PTH1R: variants seen among roughly 807,000 people sequenced by gnomAD.
The protein encoded by PTH1R is parathyroid hormone/parathyroid hormone-related peptide receptor.
PTH1R carries 32 observed loss-of-function variants against 70.7 expected under a neutral mutation model. The observed-to-expected ratio is 0.45, with a 90% CI of 0.34 to 0.61. The LOEUF (loss-of-function observed/expected upper bound fraction) is 0.61. PTH1R is among the 20% of genes least tolerant of loss of function. The probability of loss-of-function intolerance (pLI) is 0.01; values close to 1 mark genes in which losing one functional copy is unlikely to be tolerated. For synonymous variants in PTH1R, 329 were observed against 324.8 expected (o/e 1.01, Z -0.14); for missense variants, 626 against 792.5 (o/e 0.79, Z 2.52).
At chr3:46,890,064 C>T (rs144615633) in intron 3 of PTH1R, among the ~76,000 whole-genome samples, 5 of 152,248 alleles carry the variant, frequency 3.3e-5, no homozygotes, top group Middle Eastern at 3.4e-3. Flanking sequence ...AGGAGGGGGT[C>T]CTTTTTCCTC....
At position 46,902,701 on chromosome 3, in the gene PTH1R, G is replaced by A. The variant is rs1448531017; in HGVS notation, c.1353+34G>A. On this transcript the variant is annotated intron_variant, in intron 14 of 15. Transcript: ENST00000449590. The surrounding 1 kb of genome is among the most constrained non-coding windows in gnomAD (Gnocchi z 5.4). ...TGCTGGCCCGGGCCTGGCTGAGGGT[G>A]GGAGGGGTTCCGGGGGCAGGCCTGA... 5 of 1,613,996 alleles carry A rather than the reference G, an allele frequency of 3.1e-6. No homozygotes were observed. Among genetic ancestry groups the A allele is most frequent in the Non-Finnish European group, 4.2e-6 (5 of 1,180,032 alleles).
At chr3:46,886,661 G>T (rs1383627889) in intron 3 of PTH1R, among the ~76,000 whole-genome samples, 1 of 152,170 alleles carries the variant, frequency 6.6e-6, no homozygotes, top group Non-Finnish European at 1.5e-5. Context: ...CCGGCCGGTT[G>T]CTTGCTTTTA....
chr3:46,883,684 G>C lies in PTH1R; in HGVS notation c.75+50G>C. Reference sequence around the variant, plus strand: ...CGGGACAGGCTGCGGGCTTACCCTAGGGTCCGCGGGATAGGTCTAAGGCAC... The same window carrying C: ...CGGGACAGGCTGCGGGCTTACCCTACGGTCCGCGGGATAGGTCTAAGGCAC... On this transcript the variant is annotated intron_variant, in intron 3 of 15. Coordinates refer to ENST00000449590, the MANE Select transcript of PTH1R (RefSeq NM_000316.3). This position sits in a 1 kb window ranked among gnomAD's most constrained non-coding sequence, Gnocchi z 6.4. The C allele has an allele frequency of 6.5e-7, 1 of 1,541,648 alleles. No individual in the cohort carries two copies.
intron 10 of PTH1R, among the ~76,000 whole-genome samples, chr3:46,900,082 C>T (rs2032027631): frequency 6.6e-6 from 1 of 152,220 alleles, no homozygotes; most frequent in Admixed American, 6.5e-5. Flanking sequence ...TGGCTGGGCT[C>T]CGGGACAACT....
intron 3 of PTH1R, among the ~76,000 whole-genome samples, chr3:46,888,121 G>A (rs981943539): frequency 6.6e-5 from 10 of 152,212 alleles, no homozygotes; most frequent in Admixed American, 6.5e-4. Flanking sequence ...CTCATAGGAT[G>A]TTAAGAGGAT....
At chr3:46,899,026 C>T (rs555270840) in intron 9 of PTH1R, among the ~76,000 whole-genome samples, 169 bp downstream of exon 9, 12 of 152,322 alleles carry the variant, frequency 7.9e-5, no homozygotes, top group Middle Eastern at 3.4e-3. Context: ...GCTCTGCCGC[C>T]GACCCTGCTG....
At chr3:46,899,569 A>C in intron 10 of PTH1R, 113 bp downstream of exon 10, 1 of 1,371,428 alleles carries the variant, frequency 7.3e-7, no homozygotes, top group Non-Finnish European at 9.9e-7. Context: ...CCCAAGTGGA[A>C]CAGCAGGAGA....
intron 8 of PTH1R, 67 bp from the exon 9 acceptor site, chr3:46,898,595 C>T: frequency 6.2e-7 from 1 of 1,604,212 alleles, no homozygotes; most frequent in African/African-American, 1.3e-5. Context: ...GGCGCACAAC[C>T]CAGCTTCCTG....
At position 46,903,200 on chromosome 3, in the gene PTH1R, C is replaced by T. The variant is rs371779889; in HGVS notation, c.1396-70C>T. ...CCCATTTTCATTCCGTGCTGGGTGT[C>T]CAGGGGCCGGGATGGGGCATCGCTG... On this transcript the variant is annotated intron_variant, in intron 15 of 15. Coordinates refer to ENST00000449590, the MANE Select transcript of PTH1R (RefSeq NM_000316.3). The surrounding 1 kb of genome is among the most constrained non-coding windows in gnomAD (Gnocchi z 4.4). The T allele has an allele frequency of 5.6e-6, 9 of 1,594,390 alleles. No individual in the cohort carries two copies. In the African/African-American group the frequency reaches 1.1e-4, roughly 19 times the overall value.
At chr3:46,894,925 A>G (rs528342410) in intron 4 of PTH1R, among the ~76,000 whole-genome samples, 1 of 152,022 alleles carries the variant, frequency 6.6e-6, no homozygotes, top group Non-Finnish European at 1.5e-5. Flanking sequence ...TTAGCGAGGT[A>G]TGGTGGTGCA....
In PTH1R at chr3:46,883,371, T is replaced by C. The variant is rs2030781699; in HGVS notation, c.-48-141T>C. 7.1e-6 allele frequency: 1 copy of C among 140,192 alleles called. No individual in the cohort carries two copies. The highest frequency in any genetic ancestry group is 7.1e-5 in the Admixed American group (1 of 14,030). The allele number at this position is 140,192 out of a possible 1,614,324, so 8.7% of individuals were successfully genotyped here. On this transcript the variant is annotated intron_variant, in intron 2 of 15. Transcript: ENST00000449590. The surrounding 1 kb of genome is among the most constrained non-coding windows in gnomAD (Gnocchi z 6.4). ...TCCCTCCTTTGCGCTGCTCGCTCGC[T>C]CGCTCGCTCGCTCGCCCTCAGCGCA...
In PTH1R at chr3:46,898,059, C is replaced by G. The variant is rs1334150219; in HGVS notation, c.425-15C>G. On this transcript the variant is annotated splice_polypyrimidine_tract_variant and intron_variant, in intron 6 of 15. Transcript: ENST00000449590. ...GAGACCTCCCTGCCGGCCCTGACCT[C>G]CCATGGACCTGCAGGCCATGCCTAC... The G allele has an allele frequency of 1.2e-6, 2 of 1,613,856 alleles. No individual in the cohort carries two copies. Among genetic ancestry groups the G allele is most frequent in the East Asian group, 4.5e-5 (2 of 44,898 alleles).
At chr3:46,898,325 A>G in intron 7 of PTH1R, 53 bp from the exon 8 acceptor site, 1 of 1,591,210 alleles carries the variant, frequency 6.3e-7, no homozygotes, top group South Asian at 1.1e-5. Context: ...TCTTACCCTG[A>G]TGCTCTCCCT....
chr3:46,898,584 C>A, intron 8 of PTH1R, 78 bp from the exon 9 acceptor site: 1 of 1,600,626 alleles, frequency 6.2e-7, no homozygotes, highest in Admixed American at 1.7e-5. Context: ...TCCCTACCTA[C>A]GGCGCACAAC....
Position 46,902,382 on chromosome 3 carries a change from G to A in PTH1R, c.1212-144G>A. ...CTTAGCCAGGACAGCAGCCATGCAG[G>A]TGAACTGGGTTGTCCTCCCATGGTG... On this transcript the variant is annotated intron_variant, in intron 13 of 15. Coordinates refer to ENST00000449590, the MANE Select transcript of PTH1R (RefSeq NM_000316.3). The surrounding 1 kb of genome is among the most constrained non-coding windows in gnomAD (Gnocchi z 5.4). 1 of 1,126,836 alleles carries A rather than the reference G, an allele frequency of 8.9e-7. No individual in the cohort carries two copies. 69.8% of individuals were successfully genotyped at this position (1,126,836 alleles called of 1,614,324 possible).
chr3:46,903,007 T>C lies in PTH1R; in HGVS notation c.1395+217T>C. 1.0e-6 allele frequency: 1 copy of C among 955,006 alleles called. No individual in the cohort carries two copies. Among genetic ancestry groups the C allele is most frequent in the South Asian group, 1.4e-5 (1 of 72,108 alleles). The allele number at this position is 955,006 out of a possible 1,614,324, so 59.2% of individuals were successfully genotyped here. A position where few individuals can be genotyped will look rare whatever the true frequency, so the allele number is the denominator to read the frequency against. On this transcript the variant is annotated intron_variant, in intron 15 of 15. Transcript: ENST00000449590. The surrounding 1 kb of genome is among the most constrained non-coding windows in gnomAD (Gnocchi z 4.4). ...TCAGTCACTGGCATAGCCAAGTGTCTTCCCAGCCCCATGGTTCAATTATCT... is the reference window on the plus strand; with the variant it reads ...TCAGTCACTGGCATAGCCAAGTGTCCTCCCAGCCCCATGGTTCAATTATCT...
chr3:46,899,538 C>T (rs929929264), intron 10 of PTH1R, 82 bp downstream of exon 10: 57 of 1,526,966 alleles, frequency 3.7e-5, no homozygotes, highest in Non-Finnish European at 4.2e-5. Flanking sequence ...TGGGGGGAGG[C>T]GCCCACACAG....
chr3:46,889,532 C>T (rs757416985), intron 3 of PTH1R, among the ~76,000 whole-genome samples: 5 of 152,172 alleles, frequency 3.3e-5, no homozygotes, highest in Non-Finnish European at 5.9e-5. Flanking sequence ...CTTTCTGTGA[C>T]TCTTGGCCTC....
At position 46,903,428 on chromosome 3, in the gene PTH1R, C is replaced by G; in HGVS notation, c.1554C>G (p.Leu518=). 6.2e-7 allele frequency: 1 copy of G among 1,613,314 alleles called. No homozygotes were observed. Among genetic ancestry groups the G allele is most frequent in the Non-Finnish European group, 8.5e-7 (1 of 1,179,804 alleles). The change falls in exon 16 of 16, where the codon CTC becomes CTG. Residue 518 remains leucine, a synonymous_variant. Transcript: ENST00000449590. This position sits in a 1 kb window ranked among gnomAD's most constrained non-coding sequence, Gnocchi z 4.4. ...VGPRVGLGLP[L]SPRLLPTATT... ...CCCGTGTGGGACTCGGCCTGCCCCT[C>G]AGCCCCCGCCTACTGCCCACTGCCA...
Sources: gnomAD v4.1 joint callset for allele counts (sites outside exome capture counted in the v4.1 genomes callset) on GRCh38, gnomAD v4.1.1 for gene constraint, Gnocchi (gnomAD v3.1) non-coding constraint, MANE v1.5 for transcripts, NCBI Gene and HGNC (gene_info 2026-07-23, HGNC 2026-07-21) for gene names.